The following MAST4 variants were observed in gnomAD, a reference collection of about 807,000 sequenced individuals.
MAST4 encodes the protein microtubule-associated serine/threonine-protein kinase 4.
In MAST4, 89 loss-of-function variants were observed where a neutral mutation model predicts 162.7. The ratio of observed to expected loss-of-function variants is 0.55; its 90% confidence interval spans 0.46 to 0.65. The LOEUF (loss-of-function observed/expected upper bound fraction) is 0.65, where lower values mean the gene tolerates loss of function less well. Ranked by LOEUF, MAST4 falls within the 30% of genes least tolerant of loss-of-function variation. The pLI, the probability that MAST4 is intolerant of heterozygous loss-of-function variation, is 0.00. For missense variants in MAST4, 3,153 were observed against 3,374.0 expected, an observed-to-expected ratio of 0.93 and a Z score of 1.62; for synonymous variants, 1,479 against 1,361.1, an observed-to-expected ratio of 1.09 and a Z score of -1.91.
chr5:67,025,462 G>A (rs1487467376), intron 4 of MAST4, among the ~76,000 whole-genome samples: 1 of 152,058 alleles, frequency 6.6e-6, no homozygotes, highest in Admixed American at 6.6e-5. Flanking sequence ...TTTTAAACAA[G>A]CCAAGTTAGT....
chr5:66,727,437 G>T (rs1462976230), intron 1 of MAST4, among the ~76,000 whole-genome samples: 1 of 152,146 alleles, frequency 6.6e-6, no homozygotes, highest in African/African-American at 2.4e-5. Context: ...ATCCTGCAAT[G>T]GACAGGATGT....
intron 4 of MAST4, among the ~76,000 whole-genome samples, chr5:66,914,376 A>C (rs777839143): frequency 1.1e-4 from 17 of 152,224 alleles, no homozygotes; most frequent in Admixed American, 6.5e-5. Context: ...GAGTGATCAT[A>C]AATGAGCAAA....
At chr5:67,076,466 C>G (rs1265703331) in intron 5 of MAST4, among the ~76,000 whole-genome samples, 2 of 152,184 alleles carry the variant, frequency 1.3e-5, no homozygotes, top group African/African-American at 2.4e-5. Context: ...TACCCAATAA[C>G]AAATTTATTT....
intron 26 of MAST4, 130 bp from the exon 27 acceptor site, chr5:67,160,326 T>G: frequency 1.1e-6 from 1 of 934,292 alleles, no homozygotes; most frequent in Non-Finnish European, 1.5e-6. Flanking sequence ...ATTGAAGGGT[T>G]ATTTAGAAAC....
rs578173290 is a variant in MAST4, at chr5:66,710,054, A to G, written c.364-49655A>G. On this transcript the variant is annotated intron_variant, in intron 1 of 28. Coordinates refer to ENST00000403625, the MANE Select transcript of MAST4 (RefSeq NM_001164664.2). ...TCTGGTCTCCACTGCCTCTCTCCTTACTTTGCTGAAGTCGGCCCTTGCCAT... is the reference window on the plus strand; with the variant it reads ...TCTGGTCTCCACTGCCTCTCTCCTTGCTTTGCTGAAGTCGGCCCTTGCCAT... 6.6e-5 allele frequency among the ~76,000 whole-genome samples: 10 copies of G among 152,330 alleles called. No individual in the cohort carries two copies. The South Asian group carries it at 2.1e-3, about 32-fold the overall frequency.
At chr5:67,039,926 A>G (rs1756507982) in intron 4 of MAST4, among the ~76,000 whole-genome samples, 1 of 151,242 alleles carries the variant, frequency 6.6e-6, no homozygotes, top group Non-Finnish European at 1.5e-5. Flanking sequence ...TAAATATAAG[A>G]TTTTTTACTG....
chr5:66,971,566 G>A (rs573186147), intron 4 of MAST4, among the ~76,000 whole-genome samples: 119 of 152,304 alleles, frequency 7.8e-4, no homozygotes, highest in Non-Finnish European at 1.4e-3. Context: ...GGGCCTCACA[G>A]CTCAAGATGA....
At chr5:67,076,067 CTAATCTAATCCAATGACCT>C (rs1761609778) in intron 5 of MAST4, among the ~76,000 whole-genome samples, 2 of 151,914 alleles carry the variant, frequency 1.3e-5, no homozygotes, top group Non-Finnish European at 2.9e-5. Context: ...GCCCAGTGGC[CTAATCTAATCCAATGACCT>C]CTTTCTGGGA....
chr5:66,854,225 AT>A (rs1386304435), intron 3 of MAST4, among the ~76,000 whole-genome samples: 2 of 152,178 alleles, frequency 1.3e-5, no homozygotes, highest in East Asian at 3.8e-4. Context: ...TTGAATGAGT[AT>A]GTGAAAGAAC....
intron 1 of MAST4, among the ~76,000 whole-genome samples, chr5:66,756,949 G>A (rs921039653): frequency 9.9e-5 from 15 of 152,112 alleles, no homozygotes; most frequent in Admixed American, 7.8e-4. Flanking sequence ...TTGTGATTTT[G>A]ATTAAAAACC....
At chr5:66,786,009 C>T (rs1333031346) in intron 2 of MAST4, among the ~76,000 whole-genome samples, 1 of 152,116 alleles carries the variant, frequency 6.6e-6, no homozygotes, top group Non-Finnish European at 1.5e-5. Context: ...GCTGGGACCA[C>T]AGATGTGTGC....
rs563853903 is a variant in MAST4 at position 66,744,492 on chromosome 5, T to A, written c.364-15217T>A. ...TCTTGCACTGCTATAAAGCAATACC[T>A]GAGTGAGTAATTTATAAGGAAAAGA... On this transcript the variant is annotated intron_variant, in intron 1 of 28. Coordinates refer to ENST00000403625, the MANE Select transcript of MAST4 (RefSeq NM_001164664.2). Among the ~76,000 whole-genome samples, 10 of 152,334 alleles carry A rather than the reference T, an allele frequency of 6.6e-5. No homozygotes were observed. The South Asian group carries it at 2.1e-3, about 32-fold the overall frequency.
At chr5:66,834,406 A>G (rs902689340) in intron 3 of MAST4, among the ~76,000 whole-genome samples, 5 of 151,972 alleles carry the variant, frequency 3.3e-5, no homozygotes, top group Non-Finnish European at 4.4e-5. Context: ...TCTCAACCTT[A>G]TTTTCTGAAC....
At chr5:66,621,612 T>C (rs1020220066) in intron 1 of MAST4, among the ~76,000 whole-genome samples, 2 of 152,202 alleles carry the variant, frequency 1.3e-5, no homozygotes, top group Non-Finnish European at 2.9e-5. Flanking sequence ...ACAATAAAAA[T>C]GGTTAAAAAA....
intron 2 of MAST4, among the ~76,000 whole-genome samples, chr5:66,776,246 C>G (rs1359943841): frequency 1.3e-5 from 2 of 152,178 alleles, no homozygotes; most frequent in Non-Finnish European, 2.9e-5. Context: ...TCTGTCATAA[C>G]TGTTTAGATG....
At chr5:67,121,747 C>T (rs1767625828) in intron 14 of MAST4, among the ~76,000 whole-genome samples, 1 of 151,760 alleles carries the variant, frequency 6.6e-6, no homozygotes, top group South Asian at 2.1e-4. Flanking sequence ...GGTCTGCATT[C>T]AAAGCCATCC....
intron 4 of MAST4, among the ~76,000 whole-genome samples, chr5:67,046,131 G>T (rs749459256): frequency 4.4e-4 from 67 of 152,128 alleles, no homozygotes; most frequent in Admixed American, 1.1e-3. Context: ...ATCCCATATA[G>T]CCTCAGTGTG....
At chr5:66,732,898 C>T (rs2149557609) in intron 1 of MAST4, among the ~76,000 whole-genome samples, 1 of 152,334 alleles carries the variant, frequency 6.6e-6, no homozygotes, top group Middle Eastern at 3.4e-3. Context: ...GTCTCTAAAG[C>T]TCTGCTTGTT....
At chr5:67,075,298 A>G (rs765446235) in intron 5 of MAST4, among the ~76,000 whole-genome samples, 8 of 150,956 alleles carry the variant, frequency 5.3e-5, no homozygotes, top group Non-Finnish European at 1.0e-4. Flanking sequence ...CAGCCTCCTT[A>G]GTAACTGAGA....
Sources: allele counts gnomAD v4.1 joint callset (sites outside exome capture counted in the v4.1 genomes callset), GRCh38; gene constraint gnomAD v4.1.1; transcripts MANE v1.5; gene names NCBI Gene and HGNC (gene_info 2026-07-23, HGNC 2026-07-21).